Variants in ADARB2 observed in about 807,000 individuals in gnomAD.
ADARB2 encodes the protein adenosine deaminase RNA specific B2 (inactive), also known as inactive double-stranded RNA-specific editase B2.
In ADARB2, 25 loss-of-function variants were observed where a neutral mutation model predicts 62.2. The ratio of observed to expected loss-of-function variants is 0.40; its 90% CI spans 0.29 to 0.56. ADARB2 has a LOEUF of 0.56. ADARB2 is among the 20% of genes least tolerant of loss of function. ADARB2 has a pLI of 0.43. For synonymous variants in ADARB2, 572 were observed against 500.8 expected (o/e 1.14, Z -1.90); for missense variants, 1,071 against 1,077.4 (o/e 0.99, Z 0.08).
At chr10:1,735,656 T>C (rs1257821549) in intron 1 of ADARB2, among the ~76,000 whole-genome samples, 1 of 152,212 alleles carries the variant, frequency 6.6e-6, no homozygotes, top group Non-Finnish European at 1.5e-5. Context: ...AAAATGATAA[T>C]TTCAAACAAC....
chr10:1,696,091 G>C (rs12250491), intron 1 of ADARB2, among the ~76,000 whole-genome samples: 4,711 of 132,312 alleles, frequency 0.036, 247 homozygotes, highest in African/African-American at 0.12. Context: ...ATGCATGTCT[G>C]TGTGCATATA....
chr10:1,270,907 C>A, intron 4 of ADARB2, 48 bp downstream of exon 4: 1 of 1,540,304 alleles, frequency 6.5e-7, no homozygotes, highest in Non-Finnish European at 8.9e-7. Context: ...TGCTAATGCT[C>A]CTTTCTTTAG....
At chr10:1,733,437 G>A (rs911667885) in intron 1 of ADARB2, among the ~76,000 whole-genome samples, 1 of 152,034 alleles carries the variant, frequency 6.6e-6, no homozygotes, top group African/African-American at 2.4e-5. Flanking sequence ...TCACAAAAGA[G>A]AGAAAAACAG....
rs1239896114 is a variant in ADARB2 at position 1,177,694 on chromosome 10, G to A, written c.*5499C>T. The A allele has an allele frequency of 1.3e-5, 2 of 152,220 alleles. No individual in the cohort carries two copies. Among genetic ancestry groups the A allele is most frequent in the East Asian group, 3.9e-4 (2 of 5,190 alleles). The allele number at this position is 152,220 out of a possible 1,614,324, so 9.4% of individuals were successfully genotyped here. On this transcript the variant is annotated 3_prime_UTR_variant, in exon 10 of 10. Coordinates refer to ENST00000381312, the MANE Select transcript of ADARB2 (RefSeq NM_018702.4). The stretch of plus-strand genomic sequence containing the variant: ...GATCTCGCCTTGGTGTTTAGGGAAT[G>A]CTCATCCCTCCAACCTTGGCTTAGG...
intron 1 of ADARB2, among the ~76,000 whole-genome samples, chr10:1,504,291 C>T (rs1169833307): frequency 6.6e-6 from 1 of 152,228 alleles, no homozygotes; most frequent in Non-Finnish European, 1.5e-5. Flanking sequence ...GCACACCTTT[C>T]TTCACAGCCC....
chr10:1,618,934 C>T (rs1238003004), intron 1 of ADARB2, among the ~76,000 whole-genome samples: 1 of 152,176 alleles, frequency 6.6e-6, no homozygotes, highest in East Asian at 1.9e-4. Context: ...CTGCCCCCTG[C>T]AGCTTGTAGA....
intron 1 of ADARB2, among the ~76,000 whole-genome samples, chr10:1,701,847 A>G (rs1193451029): frequency 2.2e-3 from 173 of 77,224 alleles, no homozygotes; most frequent in Admixed American, 4.5e-3. Flanking sequence ...CCAGGCGCTC[A>G]CCAGTACACG....
chr10:1,652,268 T>C (rs1834120045), intron 1 of ADARB2, among the ~76,000 whole-genome samples: 1 of 152,200 alleles, frequency 6.6e-6, no homozygotes, highest in Non-Finnish European at 1.5e-5. Flanking sequence ...CTGGGGCATC[T>C]GTTCTGCAAA....
At chr10:1,471,019 A>G (rs906951777) in intron 1 of ADARB2, among the ~76,000 whole-genome samples, 1 of 152,184 alleles carries the variant, frequency 6.6e-6, no homozygotes, top group Non-Finnish European at 1.5e-5. Context: ...AGATGGCGCC[A>G]CTGCACTCCA....
At chr10:1,553,669 A>G (rs1832660919) in intron 1 of ADARB2, among the ~76,000 whole-genome samples, 1 of 152,202 alleles carries the variant, frequency 6.6e-6, no homozygotes, top group Non-Finnish European at 1.5e-5. Context: ...CAGAGGAACC[A>G]CAGTCCTTTC....
chr10:1,328,608 T>C (rs1335092948), intron 3 of ADARB2, among the ~76,000 whole-genome samples: 1 of 152,154 alleles, frequency 6.6e-6, no homozygotes, highest in African/African-American at 2.4e-5. Flanking sequence ...TGGGAGTGTT[T>C]ACAGAACAGA....
chr10:1,485,696 A>G (rs949455100), intron 1 of ADARB2, among the ~76,000 whole-genome samples: 2 of 152,192 alleles, frequency 1.3e-5, no homozygotes, highest in Non-Finnish European at 2.9e-5. Context: ...GGATGGAATA[A>G]TAACGCTCCG....
intron 1 of ADARB2, among the ~76,000 whole-genome samples, chr10:1,639,451 C>T (rs886844622): frequency 6.6e-6 from 1 of 152,222 alleles, no homozygotes; most frequent in Non-Finnish European, 1.5e-5. Flanking sequence ...TTCTCCCTGG[C>T]TGGCCCACAG....
chr10:1,263,052 G>A (rs36129731), intron 4 of ADARB2, among the ~76,000 whole-genome samples: 3 of 146,674 alleles, frequency 2.0e-5, no homozygotes, highest in African/African-American at 5.1e-5. Flanking sequence ...AACACTGCAT[G>A]TTCTCACTCA....
intron 1 of ADARB2, among the ~76,000 whole-genome samples, chr10:1,551,155 C>G (rs1044650054): frequency 6.6e-6 from 1 of 152,110 alleles, no homozygotes; most frequent in African/African-American, 2.4e-5. Flanking sequence ...CAGACACACA[C>G]AGAAGGAGGA....
rs143068950 is a variant in ADARB2 at position 1,314,212 on chromosome 10, G to A, written c.1078-43143C>T. 2.8e-3 allele frequency among the ~76,000 whole-genome samples: 430 copies of A among 152,258 alleles called. 3 individuals are homozygous for A. The highest frequency in any genetic ancestry group is 9.6e-3 in the African/African-American group (400 of 41,564). On this transcript the variant is annotated intron_variant, in intron 3 of 9. Transcript: ENST00000381312. ...TTTGAAAACCACCAAGAGGAGAGCT[G>A]CCAACCATCAACACCTGCTCCCCAG...
intron 3 of ADARB2, among the ~76,000 whole-genome samples, chr10:1,317,220 A>T (rs918810124): frequency 2.7e-5 from 4 of 149,756 alleles, no homozygotes; most frequent in Admixed American, 2.7e-4. Flanking sequence ...TTAGAAAAAA[A>T]TGAATGGAGG....
At chr10:1,350,157 G>A (rs894427439) in intron 3 of ADARB2, among the ~76,000 whole-genome samples, 2 of 152,110 alleles carry the variant, frequency 1.3e-5, no homozygotes, top group African/African-American at 2.4e-5. Context: ...CGGCACTTTC[G>A]ATTTCTCCAT....
chr10:1,462,040 T>C (rs1318695987), intron 1 of ADARB2, among the ~76,000 whole-genome samples: 1 of 152,244 alleles, frequency 6.6e-6, no homozygotes. Flanking sequence ...AAAGTTGTTT[T>C]AATAATTACT....
Sources: gnomAD v4.1 joint callset for allele counts (sites outside exome capture counted in the v4.1 genomes callset) on GRCh38, gnomAD v4.1.1 for gene constraint, MANE v1.5 for transcripts, NCBI Gene and HGNC (gene_info 2026-07-23, HGNC 2026-07-21) for gene names.